UBXN7: variants seen among roughly 807,000 people sequenced by gnomAD.
UBXN7 encodes UBX domain protein 7, also known as UBX domain-containing protein 7.
Under a neutral mutation model 58.0 loss-of-function variants are expected in UBXN7, and 9 were observed. The ratio of observed to expected loss-of-function variants is 0.16; its 90% confidence interval spans 0.09 to 0.27. The LOEUF is 0.27. UBXN7 is among the 10% of genes least tolerant of loss of function. The pLI, the probability that UBXN7 is intolerant of heterozygous loss-of-function variation, is 1.00. For missense variants in UBXN7, 328 were observed against 599.6 expected, an observed-to-expected ratio of 0.55 and a Z score of 4.73; for synonymous variants, 208 against 205.0, an observed-to-expected ratio of 1.01 and a Z score of -0.12.
intron 5 of UBXN7, among the ~76,000 whole-genome samples, chr3:196,386,262 G>A (rs1424357341): frequency 2.0e-5 from 3 of 151,410 alleles, no homozygotes; most frequent in Non-Finnish European, 2.9e-5. Context: ...GGCCCTCTGC[G>A]TAGGAAAACC....
In UBXN7 at chr3:196,350,595, G is replaced by GTCACATTCAATAATCCAGCCAGGTAAGT. The variant is rs58778463; in HGVS notation, c.*6089_*6090insACTTACCTGGCTGGATTATTGAATGTGA. 8 of 151,700 alleles carry GTCACATTCAATAATCCAGCCAGGTAAGT rather than the reference G, an allele frequency of 5.3e-5. No individual in the cohort carries two copies. Among genetic ancestry groups the GTCACATTCAATAATCCAGCCAGGTAAGT allele is most frequent in the Admixed American group, 5.3e-4 (8 of 15,228 alleles). 9.4% of individuals were successfully genotyped at this position (151,700 alleles called of 1,614,324 possible). A position where few individuals can be genotyped will look rare whatever the true frequency, so the allele number is the denominator to read the frequency against. ...TTAAAAGATTTCTAATTAAGGGTCT[G>GTCACATTCAATAATCCAGCCAGGTAAGT]TCACTTCACAGGACAACTAGCAAGG... On this transcript the variant is annotated 3_prime_UTR_variant, in exon 11 of 11. Coordinates refer to ENST00000296328, the MANE Select transcript of UBXN7 (RefSeq NM_015562.2).
chr3:196,398,459 T>C (rs1190046207), intron 3 of UBXN7, among the ~76,000 whole-genome samples: 2 of 152,226 alleles, frequency 1.3e-5, no homozygotes, highest in African/African-American at 4.8e-5. Flanking sequence ...ACTTGTTTAC[T>C]GAGTAATGCA....
At chr3:196,379,615 T>C (rs1395503320) in intron 5 of UBXN7, among the ~76,000 whole-genome samples, 1 of 152,082 alleles carries the variant, frequency 6.6e-6, no homozygotes, top group Non-Finnish European at 1.5e-5. Flanking sequence ...GCATTCAGAG[T>C]AGAGAGGACC....
intron 1 of UBXN7, among the ~76,000 whole-genome samples, chr3:196,410,408 T>C (rs1395404228): frequency 3.3e-5 from 5 of 152,200 alleles, no homozygotes; most frequent in Admixed American, 3.3e-4. Context: ...CTAAGGCAAA[T>C]CCTTAATACT....
chr3:196,372,320 CTCTCTCCTTT>C (rs1728863794), intron 5 of UBXN7, among the ~76,000 whole-genome samples: 1 of 149,964 alleles, frequency 6.7e-6, no homozygotes, highest in Admixed American at 6.7e-5. Flanking sequence ...CTCTCTCTCT[CTCTCTCCTTT>C]CTTTCTTTCT....
intron 1 of UBXN7, chr3:196,423,484 C>T (rs970468613): frequency 1.3e-5 from 3 of 236,462 alleles, no homozygotes; most frequent in South Asian, 8.3e-5. Flanking sequence ...GCTTGGGGTA[C>T]TTGTTCCCCT....
rs1223050498 is a variant in UBXN7, at chr3:196,351,961, C to T, written c.*4724G>A. 6.6e-6 allele frequency: 1 copy of T among 152,166 alleles called. No homozygotes were observed. The highest frequency in any genetic ancestry group is 2.4e-5 in the African/African-American group (1 of 41,426). The allele number at this position is 152,166 out of a possible 1,614,324, so 9.4% of individuals were successfully genotyped here. ...GATCCCCGCAAGCTAGGAATCTTTACTCCAGGGATCAATAATCCTTTCCTA... is the reference window on the plus strand; with the variant it reads ...GATCCCCGCAAGCTAGGAATCTTTATTCCAGGGATCAATAATCCTTTCCTA... On this transcript the variant is annotated 3_prime_UTR_variant, in exon 11 of 11. Transcript: ENST00000296328.
At chr3:196,427,373 A>G (rs1362545345) in intron 1 of UBXN7, among the ~76,000 whole-genome samples, 2 of 152,238 alleles carry the variant, frequency 1.3e-5, no homozygotes, top group Non-Finnish European at 2.9e-5. Flanking sequence ...GCTGGAGTGC[A>G]GTGGCTGGAT....
intron 10 of UBXN7, among the ~76,000 whole-genome samples, chr3:196,358,826 T>C (rs1340674773): frequency 1.3e-5 from 2 of 151,598 alleles, no homozygotes; most frequent in Admixed American, 6.6e-5. Flanking sequence ...CTCTTTCTTT[T>C]TTTTTTTTTT....
At chr3:196,426,708 C>T (rs1473826148) in intron 1 of UBXN7, among the ~76,000 whole-genome samples, 2 of 151,358 alleles carry the variant, frequency 1.3e-5, no homozygotes, top group African/African-American at 2.4e-5. Context: ...ATGAGCCGGG[C>T]GTGGTGGCGC....
chr3:196,358,794 G>A (rs1280458362), intron 10 of UBXN7, among the ~76,000 whole-genome samples: 1 of 151,566 alleles, frequency 6.6e-6, no homozygotes, highest in Non-Finnish European at 1.5e-5. Context: ...TGCAGTTAGA[G>A]ATCAGACTAA....
chr3:196,417,607 G>C (rs1489719413), intron 1 of UBXN7, among the ~76,000 whole-genome samples: 1 of 150,324 alleles, frequency 6.7e-6, no homozygotes, highest in Admixed American at 6.7e-5. Flanking sequence ...GTGCTACCAT[G>C]AATTAAAAGA....
At position 196,386,776 on chromosome 3, in the gene UBXN7, G is replaced by A. The variant is rs1006864974; in HGVS notation, c.468+5037C>T. On this transcript the variant is annotated intron_variant, in intron 5 of 10. Coordinates refer to ENST00000296328, the MANE Select transcript of UBXN7 (RefSeq NM_015562.2). ...TAGGAAGAATCAATACCTGAAAATG[G>A]CCATATTGCCCAAAGTAATTTCTAG... 5.3e-5 allele frequency among the ~76,000 whole-genome samples: 8 copies of A among 152,186 alleles called. No homozygotes were observed. The East Asian group carries it at 1.5e-3, about 29-fold the overall frequency.
chr3:196,400,712 C>T, intron 3 of UBXN7: 1 of 373,386 alleles, frequency 2.7e-6, no homozygotes. Context: ...TGCACTCCAG[C>T]CTGGGCAACA....
At position 196,351,491 on chromosome 3, in the gene UBXN7, A is replaced by G. The variant is rs1258520610; in HGVS notation, c.*5194T>C. 6.6e-6 allele frequency: 1 copy of G among 152,050 alleles called. No homozygotes were observed. 9.4% of individuals were successfully genotyped at this position (152,050 alleles called of 1,614,324 possible). A position where few individuals can be genotyped will look rare whatever the true frequency, so the allele number is the denominator to read the frequency against. On this transcript the variant is annotated 3_prime_UTR_variant, in exon 11 of 11. Coordinates refer to ENST00000296328, the MANE Select transcript of UBXN7 (RefSeq NM_015562.2). ...TGATACCTGAACACAGAATAAAAAA[A>G]AGAGAGAAAAAAAAAGTAAAGAAAC...
intron 1 of UBXN7, among the ~76,000 whole-genome samples, chr3:196,430,281 G>A (rs914868906): frequency 1.3e-5 from 2 of 151,954 alleles, no homozygotes; most frequent in African/African-American, 4.8e-5. Flanking sequence ...CTTGAACCCG[G>A]GAGGTGGAGG....
At chr3:196,420,308 G>A (rs1730639897) in intron 1 of UBXN7, among the ~76,000 whole-genome samples, 1 of 152,036 alleles carries the variant, frequency 6.6e-6, no homozygotes, top group Admixed American at 6.6e-5. Context: ...CAAGGTGGGT[G>A]GATCACCTGA....
chr3:196,401,769 A>T (rs1298721271), intron 3 of UBXN7, among the ~76,000 whole-genome samples: 11 of 139,186 alleles, frequency 7.9e-5, no homozygotes, highest in South Asian at 4.5e-4. Flanking sequence ...TCTCTATTTT[A>T]AAAAAAAAAA....
intron 8 of UBXN7, among the ~76,000 whole-genome samples, chr3:196,367,727 C>T (rs1267868960): frequency 6.6e-6 from 1 of 152,234 alleles, no homozygotes; most frequent in Non-Finnish European, 1.5e-5. Context: ...CTTGCCAGGT[C>T]AGTCCTCCTG....
Sources: gnomAD v4.1 joint callset for allele counts (sites outside exome capture counted in the v4.1 genomes callset) on GRCh38, gnomAD v4.1.1 for gene constraint, MANE v1.5 for transcripts, NCBI Gene and HGNC (gene_info 2026-07-23, HGNC 2026-07-21) for gene names.